Variants in SLC4A4 observed in about 807,000 individuals in gnomAD.
The protein encoded by SLC4A4 is solute carrier family 4 member 4.
Under a neutral mutation model 111.5 loss-of-function variants are expected in SLC4A4, and 27 were observed. The observed-to-expected ratio is 0.24, with a 90% CI of 0.18 to 0.33. The LOEUF is 0.33. SLC4A4 is among the 10% of genes least tolerant of loss of function. The pLI is 1.00. For missense variants in SLC4A4, 909 were observed against 1,315.5 expected, an observed-to-expected ratio of 0.69 and a Z score of 4.78; for synonymous variants, 443 against 463.4, an observed-to-expected ratio of 0.96 and a Z score of 0.57.
chr4:71,150,600 C>G (rs1744290462), intron 2 of SLC4A4, among the ~76,000 whole-genome samples: 3 of 152,074 alleles, frequency 2.0e-5, no homozygotes, highest in Admixed American at 1.3e-4. Context: ...GCATGACAAG[C>G]AGAAAAGATG....
At chr4:71,134,265 G>T (rs1186284846) in intron 2 of SLC4A4, among the ~76,000 whole-genome samples, 1 of 152,214 alleles carries the variant, frequency 6.6e-6, no homozygotes, top group African/African-American at 2.4e-5. Context: ...TATACTCCCA[G>T]ATTCCTGGGC....
intron 2 of SLC4A4, among the ~76,000 whole-genome samples, chr4:71,244,518 A>G (rs917893859): frequency 8.5e-5 from 13 of 152,144 alleles, no homozygotes; most frequent in African/African-American, 2.9e-4. Context: ...CTCATCTCCT[A>G]CTTTTTTCTA....
intron 14 of SLC4A4, among the ~76,000 whole-genome samples, chr4:71,474,336 T>C (rs2149110658): frequency 6.6e-6 from 1 of 152,006 alleles, no homozygotes; most frequent in Non-Finnish European, 1.5e-5. Context: ...TCATGCAATA[T>C]CCACTGCGAC....
intron 2 of SLC4A4, among the ~76,000 whole-genome samples, chr4:71,131,616 A>G (rs1166602797): frequency 6.6e-6 from 1 of 152,230 alleles, no homozygotes; most frequent in African/African-American, 2.4e-5. Flanking sequence ...ACTTTAGAGA[A>G]TGAAAAGCTG....
intron 9 of SLC4A4, among the ~76,000 whole-genome samples, chr4:71,449,876 A>T (rs1314217531): frequency 6.6e-6 from 1 of 152,220 alleles, no homozygotes; most frequent in Non-Finnish European, 1.5e-5. Flanking sequence ...CTTTTGGTTA[A>T]TGTGCTGCCG....
intron 2 of SLC4A4, among the ~76,000 whole-genome samples, chr4:71,142,761 CTT>C (rs34495804): frequency 0.045 from 3,483 of 78,178 alleles, 63 homozygotes; most frequent in South Asian, 0.11. Context: ...TTTTCTCACT[CTT>C]TTTTTTTTTT....
chr4:71,231,429 C>G (rs569523810), intron 1 of SLC4A4, among the ~76,000 whole-genome samples: 1 of 152,148 alleles, frequency 6.6e-6, no homozygotes, highest in African/African-American at 2.4e-5. Flanking sequence ...TGATTAGGAC[C>G]GGCTGGTGAA....
intron 2 of SLC4A4, among the ~76,000 whole-genome samples, chr4:71,125,311 G>A (rs972855992): frequency 6.6e-6 from 1 of 152,170 alleles, no homozygotes; most frequent in Non-Finnish European, 1.5e-5. Context: ...AACTATGACC[G>A]GGCCCAGTGG....
At chr4:71,216,686 T>C (rs376177382) in intron 1 of SLC4A4, among the ~76,000 whole-genome samples, 4 of 152,162 alleles carry the variant, frequency 2.6e-5, no homozygotes, top group Admixed American at 1.3e-4. Context: ...TGCTCCATGC[T>C]GAGGAGGGAG....
intron 16 of SLC4A4, among the ~76,000 whole-genome samples, chr4:71,527,647 T>C (rs115268661): frequency 1.1e-3 from 169 of 151,828 alleles, no homozygotes; most frequent in African/African-American, 3.8e-3. Context: ...TGCCAAAGAA[T>C]TGCAGATTGA....
chr4:71,477,829 C>T (rs6857805), intron 14 of SLC4A4, among the ~76,000 whole-genome samples: 38,982 of 151,548 alleles, frequency 0.26, 6,841 homozygotes, highest in East Asian at 0.59. Flanking sequence ...TGTTTCACTG[C>T]TTTTTAAGAA....
intron 7 of SLC4A4, among the ~76,000 whole-genome samples, chr4:71,412,632 C>A (rs1250183435): frequency 6.6e-6 from 1 of 151,994 alleles, no homozygotes; most frequent in Non-Finnish European, 1.5e-5. Flanking sequence ...GCAAACAATC[C>A]CTGCTCTCCA....
intron 2 of SLC4A4, among the ~76,000 whole-genome samples, chr4:71,176,044 G>A (rs569120063): frequency 5.9e-5 from 9 of 152,294 alleles, no homozygotes; most frequent in Middle Eastern, 3.4e-3. Context: ...TGTAGCTTCC[G>A]CTGCTGATAC....
chr4:71,200,333 TATTA>T (rs1407863923), intron 1 of SLC4A4, among the ~76,000 whole-genome samples: 2 of 152,206 alleles, frequency 1.3e-5, no homozygotes, highest in African/African-American at 2.4e-5. Flanking sequence ...AATTGAAGCT[TATTA>T]ATTGTCTAAA....
intron 3 of SLC4A4, among the ~76,000 whole-genome samples, chr4:71,293,906 C>T (rs564266996): frequency 4.6e-5 from 7 of 152,324 alleles, no homozygotes; most frequent in Admixed American, 1.3e-4. Context: ...TGTCATCTCA[C>T]TGTGAATCAG....
intron 16 of SLC4A4, among the ~76,000 whole-genome samples, chr4:71,512,042 A>G (rs553297053): frequency 6.6e-6 from 1 of 152,262 alleles, no homozygotes; most frequent in African/African-American, 2.4e-5. Flanking sequence ...GTTTGATCCC[A>G]TACCTTTGCT....
intron 3 of SLC4A4, among the ~76,000 whole-genome samples, chr4:71,332,547 C>T (rs949667151): frequency 6.6e-6 from 1 of 151,730 alleles, no homozygotes; most frequent in Non-Finnish European, 1.5e-5. Flanking sequence ...CGGGTTCACG[C>T]CATTCTCCTG....
intron 2 of SLC4A4, among the ~76,000 whole-genome samples, chr4:71,113,416 T>C (rs1008250415): frequency 1.3e-5 from 2 of 152,214 alleles, no homozygotes; most frequent in African/African-American, 4.8e-5. Context: ...TAGCAGAAGA[T>C]GTGCTTGGCA....
At chr4:71,296,537 G>A (rs1724807907) in intron 3 of SLC4A4, among the ~76,000 whole-genome samples, 1 of 152,004 alleles carries the variant, frequency 6.6e-6, no homozygotes, top group South Asian at 2.1e-4. Context: ...TTTTTTGGGG[G>A]GGAACCATTG....
Sources: allele counts gnomAD v4.1 joint callset (sites outside exome capture counted in the v4.1 genomes callset), GRCh38; gene constraint gnomAD v4.1.1; transcripts MANE v1.5; gene names NCBI Gene and HGNC (gene_info 2026-07-23, HGNC 2026-07-21).